The following NUFIP2 variants were observed in gnomAD, a reference collection of about 807,000 sequenced individuals.
NUFIP2 encodes the protein nuclear FMR1 interacting protein 2, also known as FMR1-interacting protein NUFIP2.
NUFIP2 carries 6 observed loss-of-function variants against 56.9 expected under a neutral mutation model. The observed-to-expected ratio is 0.11, with a 90% confidence interval of 0.06 to 0.21. The LOEUF (loss-of-function observed/expected upper bound fraction) is 0.21, where lower values mean the gene tolerates loss of function less well. NUFIP2 is among the 10% of genes least tolerant of loss of function. The probability of loss-of-function intolerance (pLI) is 1.00; values close to 1 mark genes in which losing one functional copy is unlikely to be tolerated. For synonymous variants in NUFIP2, 321 were observed against 298.2 expected (o/e 1.08, Z -0.79); for missense variants, 828 against 826.8 (o/e 1.00, Z -0.02).
intron 2 of NUFIP2, 29 bp from the exon 3 acceptor site, chr17:29,267,559 T>C: frequency 7.0e-7 from 1 of 1,436,642 alleles, no homozygotes; most frequent in Non-Finnish European, 9.6e-7. Context: ...AATTACATAC[T>C]AAGTTTTGGT....
intron 2 of NUFIP2, among the ~76,000 whole-genome samples, chr17:29,281,672 A>G (rs2069140277): frequency 7.0e-6 from 1 of 143,866 alleles, no homozygotes; most frequent in Non-Finnish European, 1.5e-5. Flanking sequence ...CTGGGTGACA[A>G]TGAGATCCTG....
intron 2 of NUFIP2, among the ~76,000 whole-genome samples, chr17:29,279,889 G>GC (rs1260096213): frequency 6.6e-6 from 1 of 152,130 alleles, no homozygotes; most frequent in Non-Finnish European, 1.5e-5. Flanking sequence ...TGTGATCTCA[G>GC]CCCACTGCAA....
chr17:29,266,655 C>T (rs1361578693), intron 3 of NUFIP2, among the ~76,000 whole-genome samples: 1 of 151,846 alleles, frequency 6.6e-6, no homozygotes, highest in Non-Finnish European at 1.5e-5. Flanking sequence ...TTGTTGTCTA[C>T]CACACAAATA....
In NUFIP2 at chr17:29,257,905, A is replaced by C. The variant is rs548988349; in HGVS notation, c.*6634T>G. ...CAAAAAAGATACAACAAAAAAAGTAAATCACTTCCCCAGCTTATAAAATAG... is the reference window on the plus strand; with the variant it reads ...CAAAAAAGATACAACAAAAAAAGTACATCACTTCCCCAGCTTATAAAATAG... On this transcript the variant is annotated 3_prime_UTR_variant, in exon 4 of 4. Transcript: ENST00000225388. 4 of 152,254 alleles carry C rather than the reference A, an allele frequency of 2.6e-5. No homozygotes were observed. Among genetic ancestry groups the C allele is most frequent in the Admixed American group, 1.3e-4 (2 of 15,304 alleles). The allele number at this position is 152,254 out of a possible 1,614,324, so 9.4% of individuals were successfully genotyped here.
rs760928879 is a variant in NUFIP2, at chr17:29,286,539, T to C, written c.1455A>G (p.Thr485=). 3 of 1,614,238 alleles carry C rather than the reference T, an allele frequency of 1.9e-6. No individual in the cohort carries two copies. The South Asian group carries it at 3.3e-5, about 18-fold the overall frequency. ...TCTGAGAGGGCAGATCCACTTGTGC[T>C]GTGCTCAACAGCATAGTTTGCATAT... The part of the protein sequence containing the change: ...PSNMQTMLLS[T]AQVDLPSQTD... Residue 485 remains threonine (T), a synonymous_variant, in exon 2 of 4, where the codon ACA becomes ACG. Coordinates refer to ENST00000225388, the MANE Select transcript of NUFIP2 (RefSeq NM_020772.3).
intron 2 of NUFIP2, 101 bp downstream of exon 2, chr17:29,285,891 T>G: frequency 1.1e-6 from 1 of 913,176 alleles, no homozygotes; most frequent in Non-Finnish European, 1.6e-6. Context: ...TCTCTTAAAA[T>G]ACTCTTAATA....
intron 1 of NUFIP2, among the ~76,000 whole-genome samples, chr17:29,291,000 G>A (rs1209250296): frequency 2.9e-5 from 4 of 136,450 alleles, no homozygotes; most frequent in Non-Finnish European, 6.2e-5. Flanking sequence ...AAACGGCTTA[G>A]AAGCCACTGT....
intron 2 of NUFIP2, among the ~76,000 whole-genome samples, chr17:29,279,542 G>T (rs1478649400): frequency 6.6e-6 from 1 of 152,090 alleles, no homozygotes; most frequent in Non-Finnish European, 1.5e-5. Context: ...ACCAACTGTT[G>T]TATGTTTTTG....
In NUFIP2 at chr17:29,257,759, A is replaced by G. The variant is rs1567672971; in HGVS notation, c.*6780T>C. 6.6e-6 allele frequency: 1 copy of G among 152,226 alleles called. No homozygotes were observed. Among genetic ancestry groups the G allele is most frequent in the Non-Finnish European group, 1.5e-5 (1 of 68,024 alleles). 9.4% of individuals were successfully genotyped at this position (152,226 alleles called of 1,614,324 possible). Reference sequence around the variant, plus strand: ...CTTTAAAACACTAAAAGAGACAGCAAGCTGAAACTTTTTTCAAAGCACACA... The same window carrying G: ...CTTTAAAACACTAAAAGAGACAGCAGGCTGAAACTTTTTTCAAAGCACACA... On this transcript the variant is annotated 3_prime_UTR_variant, in exon 4 of 4. Coordinates refer to ENST00000225388, the MANE Select transcript of NUFIP2 (RefSeq NM_020772.3).
intron 1 of NUFIP2, 152 bp downstream of exon 1, chr17:29,293,631 G>A (rs1408275021): frequency 1.8e-5 from 15 of 821,670 alleles, no homozygotes; most frequent in Non-Finnish European, 1.3e-5. Flanking sequence ...TGCTCAGCCC[G>A]AGCTCTAGAA....
At chr17:29,277,376 A>G (rs1044203871) in intron 2 of NUFIP2, among the ~76,000 whole-genome samples, 1 of 152,158 alleles carries the variant, frequency 6.6e-6, no homozygotes, top group African/African-American at 2.4e-5. Flanking sequence ...CCAGAGATAG[A>G]TAACAAATCA....
rs577235200 is a variant in NUFIP2 at position 29,263,108 on chromosome 17, C to G, written c.*1431G>C. The G allele has an allele frequency of 1.3e-5, 2 of 152,662 alleles. No homozygotes were observed. Among genetic ancestry groups the G allele is most frequent in the African/African-American group, 2.4e-5 (1 of 41,528 alleles). 9.5% of individuals were successfully genotyped at this position (152,662 alleles called of 1,614,324 possible). On this transcript the variant is annotated 3_prime_UTR_variant, in exon 4 of 4. Coordinates refer to ENST00000225388, the MANE Select transcript of NUFIP2 (RefSeq NM_020772.3). ...TTGACATACATGGATATACTAATTTCTGTGTGTGTGATGTGATGCTGTGTC... is the reference window on the plus strand; with the variant it reads ...TTGACATACATGGATATACTAATTTGTGTGTGTGTGATGTGATGCTGTGTC...
At chr17:29,293,280 G>C (rs566949969) in intron 1 of NUFIP2, among the ~76,000 whole-genome samples, 1 of 151,460 alleles carries the variant, frequency 6.6e-6, no homozygotes, top group Admixed American at 6.6e-5. Context: ...GGTGGGCTTG[G>C]GGTGGCGGGT....
chr17:29,270,210 T>A (rs2069063280), intron 2 of NUFIP2, among the ~76,000 whole-genome samples: 1 of 151,872 alleles, frequency 6.6e-6, no homozygotes. Context: ...CAAGCTTAGT[T>A]GTATGGTATG....
chr17:29,291,035 CAA>C (rs60000691), intron 1 of NUFIP2, among the ~76,000 whole-genome samples: 2,633 of 72,388 alleles, frequency 0.036, 59 homozygotes, highest in African/African-American at 0.095. Flanking sequence ...GTTTTAATAA[CAA>C]AAAAAAAAAA....
intron 2 of NUFIP2, among the ~76,000 whole-genome samples, chr17:29,273,326 C>G (rs1344873329): frequency 6.6e-6 from 1 of 151,830 alleles, no homozygotes; most frequent in Admixed American, 6.6e-5. Flanking sequence ...GCGTGAGCCA[C>G]CGCGCCCAGC....
rs1310667699 is a variant in NUFIP2, at chr17:29,262,364, A to G, written c.*2175T>C. On this transcript the variant is annotated 3_prime_UTR_variant, in exon 4 of 4. Transcript: ENST00000225388. ...GCCTTTTTTCCCTTTAATCAACCTTATATGTCTTTTTTTTTAACTTTTTGA... is the reference window on the plus strand; with the variant it reads ...GCCTTTTTTCCCTTTAATCAACCTTGTATGTCTTTTTTTTTAACTTTTTGA... 2.0e-5 allele frequency: 3 copies of G among 152,394 alleles called. No homozygotes were observed. Among genetic ancestry groups the G allele is most frequent in the Non-Finnish European group, 4.4e-5 (3 of 67,998 alleles). The allele number at this position is 152,394 out of a possible 1,614,324, so 9.4% of individuals were successfully genotyped here. A position where few individuals can be genotyped will look rare whatever the true frequency, so the allele number is the denominator to read the frequency against.
At chr17:29,292,634 C>G (rs1411361397) in intron 1 of NUFIP2, among the ~76,000 whole-genome samples, 1 of 148,914 alleles carries the variant, frequency 6.7e-6, no homozygotes, top group Non-Finnish European at 1.5e-5. Flanking sequence ...CCTCTAGGAG[C>G]GCCGCGGCCG....
chr17:29,283,786 G>A (rs1349907014), intron 2 of NUFIP2, among the ~76,000 whole-genome samples: 1 of 152,098 alleles, frequency 6.6e-6, no homozygotes, highest in African/African-American at 2.4e-5. Flanking sequence ...CTTAAAAAAC[G>A]AAGCATTTAT....
Sources: gnomAD v4.1 joint callset for allele counts (sites outside exome capture counted in the v4.1 genomes callset) on GRCh38, gnomAD v4.1.1 for gene constraint, MANE v1.5 for transcripts, NCBI Gene and HGNC (gene_info 2026-07-23, HGNC 2026-07-21) for gene names.